The following DNM2 variants were observed in gnomAD, a reference collection of about 807,000 sequenced individuals.
DNM2 encodes dynamin 2.
In DNM2, 15 loss-of-function variants were observed where a neutral mutation model predicts 99.0. The observed-to-expected ratio is 0.15, with a 90% CI of 0.10 to 0.23. The LOEUF (loss-of-function observed/expected upper bound fraction) is 0.23. DNM2 is among the 10% of genes least tolerant of loss of function. The pLI is 1.00. For missense variants in DNM2, 742 were observed against 1,189.4 expected, an observed-to-expected ratio of 0.62 and a Z score of 5.53; for synonymous variants, 525 against 481.2, an observed-to-expected ratio of 1.09 and a Z score of -1.19.
chr19:10,774,426 A>T (rs1160814688), intron 3 of DNM2, among the ~76,000 whole-genome samples: 1 of 152,216 alleles, frequency 6.6e-6, no homozygotes, highest in African/African-American at 2.4e-5. Flanking sequence ...TAACATAAAA[A>T]TCACTTATGC....
At chr19:10,824,842 C>G in intron 17 of DNM2, 1 of 661,988 alleles carries the variant, frequency 1.5e-6, no homozygotes, top group Non-Finnish European at 2.6e-6. Context: ...CGTTCCAATG[C>G]CCAGGTGAGG....
intron 7 of DNM2, among the ~76,000 whole-genome samples, chr19:10,791,507 CA>C (rs139193931): frequency 0.014 from 2,127 of 152,272 alleles, 28 homozygotes; most frequent in South Asian, 0.023. Flanking sequence ...TTCCGAGGTA[CA>C]GGGGGGCAGG....
rs893785047 is a variant in DNM2 at position 10,830,747 on chromosome 19, G to A, written c.2544-231G>A. 6.6e-6 allele frequency among the ~76,000 whole-genome samples: 1 copy of A among 152,176 alleles called. No homozygotes were observed. The highest frequency in any genetic ancestry group is 1.5e-5 in the Non-Finnish European group (1 of 68,014). ...GCTTTATTCTCCCCACTTCTCCGGTGGGGAAGCTGAGGCCCAGGGAGGGCA... is the reference window on the plus strand; with the variant it reads ...GCTTTATTCTCCCCACTTCTCCGGTAGGGAAGCTGAGGCCCAGGGAGGGCA... On this transcript the variant is annotated intron_variant, in intron 20 of 20. Coordinates refer to ENST00000389253, the MANE Select transcript of DNM2 (RefSeq NM_001005361.3). This position sits in a 1 kb window ranked among gnomAD's most constrained non-coding sequence, Gnocchi z 4.8.
chr19:10,736,645 C>T (rs1311716191), intron 1 of DNM2, among the ~76,000 whole-genome samples: 1 of 152,178 alleles, frequency 6.6e-6, no homozygotes, highest in East Asian at 1.9e-4. Context: ...CTCTCTCTGG[C>T]ACCCAGGCTG....
intron 1 of DNM2, among the ~76,000 whole-genome samples, chr19:10,738,214 C>T (rs1431347162): frequency 1.3e-5 from 2 of 151,898 alleles, no homozygotes; most frequent in Non-Finnish European, 2.9e-5. Flanking sequence ...GCCAAGATCA[C>T]GCCGCTGTAC....
rs776227722 is a variant in DNM2 at position 10,793,704 on chromosome 19, T to A, written c.993-16T>A. On this transcript the variant is annotated splice_polypyrimidine_tract_variant and intron_variant, in intron 7 of 20. Coordinates refer to ENST00000389253, the MANE Select transcript of DNM2 (RefSeq NM_001005361.3). The stretch of plus-strand genomic sequence containing the variant: ...AAACCTCCGTTTTGATGCTTGCTTT[T>A]TCCTTTTCCTCATAGGATGGTCCAG... The A allele has an allele frequency of 6.2e-7, 1 of 1,614,068 alleles. No individual in the cohort carries two copies. Among genetic ancestry groups the A allele is most frequent in the Non-Finnish European group, 8.5e-7 (1 of 1,180,040 alleles).
At chr19:10,781,061 G>A (rs1469612688) in intron 5 of DNM2, among the ~76,000 whole-genome samples, 1 of 148,838 alleles carries the variant, frequency 6.7e-6, no homozygotes, top group Non-Finnish European at 1.5e-5. Context: ...GATGGTGCAC[G>A]TGCCTGTACT....
At chr19:10,752,239 T>G (rs1013917564) in intron 1 of DNM2, among the ~76,000 whole-genome samples, 1 of 152,116 alleles carries the variant, frequency 6.6e-6, no homozygotes, top group African/African-American at 2.4e-5. Flanking sequence ...AGAGTGTGTA[T>G]GTGTGTGTGG....
intron 3 of DNM2, among the ~76,000 whole-genome samples, chr19:10,773,311 C>A (rs1040798970): frequency 6.6e-6 from 1 of 151,934 alleles, no homozygotes; most frequent in Non-Finnish European, 1.5e-5. Context: ...CCACGCCTGG[C>A]AAATTTTTTG....
chr19:10,749,165 T>A (rs943951326), intron 1 of DNM2, among the ~76,000 whole-genome samples: 2 of 152,222 alleles, frequency 1.3e-5, no homozygotes, highest in Non-Finnish European at 2.9e-5. Context: ...TCACCCTCTG[T>A]GGGCTTATCT....
In DNM2 at chr19:10,765,138, T is replaced by A. The variant is rs779691646; in HGVS notation, c.235+5327T>A. Among the ~76,000 whole-genome samples, 2 of 151,794 alleles carry A rather than the reference T, an allele frequency of 1.3e-5. No individual in the cohort carries two copies. Among genetic ancestry groups the A allele is most frequent in the South Asian group, 4.2e-4 (2 of 4,804 alleles). ...TCGCCCGGCTAATTTTTTTGTATGC[T>A]TAGTAGAGACGGGGTTTCACCGTGT... On this transcript the variant is annotated intron_variant, in intron 2 of 20. Transcript: ENST00000389253. The surrounding 1 kb of genome is among the most constrained non-coding windows in gnomAD (Gnocchi z 4.4).
At position 10,782,955 on chromosome 19, in the gene DNM2, C is replaced by T. The variant is rs1271368765; in HGVS notation, c.689-5C>T. Reference sequence around the variant, plus strand: ...TGCCCCTGACCTGACTGCCTCTCCCCACAGGCTACATTGGCGTGGTGAACC... The same window carrying T: ...TGCCCCTGACCTGACTGCCTCTCCCTACAGGCTACATTGGCGTGGTGAACC... On this transcript the variant is annotated splice_region_variant and splice_polypyrimidine_tract_variant and intron_variant, in intron 5 of 20. Coordinates refer to ENST00000389253, the MANE Select transcript of DNM2 (RefSeq NM_001005361.3). The T allele has an allele frequency of 1.9e-6, 3 of 1,613,962 alleles. No individual in the cohort carries two copies. The African/African-American group carries it at 4.0e-5, about 22-fold the overall frequency.
In DNM2 at chr19:10,772,578, A is replaced by G. The variant is rs1220312465; in HGVS notation, c.335A>G (p.Asn112Ser). ...GAGACCGACAGGGTCACGGGGACCA[A>G]CAAAGGCATCTCCCCAGTGCCCATC... ...EAETDRVTGT[N>S]KGISPVPINL... The change falls in exon 3 of 21, where the codon AAC becomes AGC. Residue 112 changes from asparagine to serine, a missense_variant. Physicochemically the swap from Asn to Ser is conservative, Grantham distance 46 (BLOSUM62 1). This residue lies in a region of DNM2 where 192 missense variants were observed against 358.9 expected (regional missense o/e 0.54). Transcript: ENST00000389253. This position sits in a 1 kb window ranked among gnomAD's most constrained non-coding sequence, Gnocchi z 4.9. 23 of 1,614,094 alleles carry G rather than the reference A, an allele frequency of 1.4e-5. No homozygotes were observed. Among genetic ancestry groups the G allele is most frequent in the Non-Finnish European group, 1.9e-5 (23 of 1,180,044 alleles).
In DNM2 at chr19:10,786,774, T is replaced by C. The variant is rs1162247472; in HGVS notation, c.992+68T>C. 9 of 1,604,580 alleles carry C rather than the reference T, an allele frequency of 5.6e-6. No homozygotes were observed. In the African/African-American group the frequency reaches 1.1e-4, roughly 19 times the overall value. On this transcript the variant is annotated intron_variant, in intron 7 of 20. Coordinates refer to ENST00000389253, the MANE Select transcript of DNM2 (RefSeq NM_001005361.3). The stretch of plus-strand genomic sequence containing the variant: ...GCCTTCCATCAGCCACAGGGCCCCC[T>C]AGGCTGGGCACCACTCATCACTCGT...
At position 10,796,311 on chromosome 19, in the gene DNM2, A is replaced by C; in HGVS notation, c.1196+872A>C. The C allele has an allele frequency of 4.0e-6, 6 of 1,502,102 alleles. No homozygotes were observed. The highest frequency in any genetic ancestry group is 1.4e-5 in the African/African-American group (1 of 72,508). 93.0% of individuals were successfully genotyped at this position (1,502,102 alleles called of 1,614,324 possible). On this transcript the variant is annotated intron_variant, in intron 9 of 20. Coordinates refer to ENST00000389253, the MANE Select transcript of DNM2 (RefSeq NM_001005361.3). This position sits in a 1 kb window ranked among gnomAD's most constrained non-coding sequence, Gnocchi z 5.6. Reference sequence around the variant, plus strand: ...CCCCACTGGTGCCTTTTCTCCCCATATCGCTTTGTGTCCGTGAACTTGGCC... The same window carrying C: ...CCCCACTGGTGCCTTTTCTCCCCATCTCGCTTTGTGTCCGTGAACTTGGCC...
intron 1 of DNM2, among the ~76,000 whole-genome samples, chr19:10,742,883 T>C (rs2069806162): frequency 6.6e-6 from 1 of 151,158 alleles, no homozygotes; most frequent in Non-Finnish European, 1.5e-5. Context: ...CTTTGTGCAG[T>C]GCCCTGGAGA....
chr19:10,790,891 G>A (rs1396474395), intron 7 of DNM2, among the ~76,000 whole-genome samples: 3 of 151,666 alleles, frequency 2.0e-5, no homozygotes, highest in South Asian at 2.1e-4. Flanking sequence ...ACAGCCTCCC[G>A]AGTAGCTGGG....
intron 2 of DNM2, chr19:10,769,287 C>G (rs2070899291): frequency 6.6e-6 from 1 of 152,396 alleles, no homozygotes; most frequent in African/African-American, 2.4e-5. Flanking sequence ...CAGCGTGCTG[C>G]CAGTACATGC....
In DNM2 at chr19:10,736,619, TTTG is replaced by T. The variant is rs1473132086; in HGVS notation, c.161+18219_161+18221del. ...TATTAGTTTTTTGTTTGTTTGTTTG[TTTG>T]TTTAGACAAAGTCTCTCTCTGGCAC... On this transcript the variant is annotated intron_variant, in intron 1 of 20. Transcript: ENST00000389253. Among the ~76,000 whole-genome samples the T allele has an allele frequency of 6.5e-3, 993 of 152,322 alleles. 20 individuals are homozygous for T. The highest frequency in any genetic ancestry group is 0.023 in the African/African-American group (938 of 41,570).
Sources: allele counts gnomAD v4.1 joint callset (sites outside exome capture counted in the v4.1 genomes callset), GRCh38; gene constraint gnomAD v4.1.1; regional missense constraint gnomAD v4.1.1; non-coding constraint Gnocchi (gnomAD v3.1); transcripts MANE v1.5; gene names NCBI Gene and HGNC (gene_info 2026-07-23, HGNC 2026-07-21).